ITGB4: variants seen among roughly 807,000 people sequenced by gnomAD.
The protein encoded by ITGB4 is integrin beta-4.
In ITGB4, 159 loss-of-function variants were observed where a neutral mutation model predicts 207.6. The ratio of observed to expected loss-of-function variants is 0.77; its 90% CI spans 0.67 to 0.87. The LOEUF (loss-of-function observed/expected upper bound fraction) is 0.87, where lower values mean the gene tolerates loss of function less well. Among genes scored for constraint, ITGB4 ranks in the 40% least tolerant of loss-of-function variants. ITGB4 has a pLI of 0.00. For missense variants in ITGB4, 2,278 were observed against 2,546.8 expected, an observed-to-expected ratio of 0.89 and a Z score of 2.27; for synonymous variants, 1,020 against 1,062.7, an observed-to-expected ratio of 0.96 and a Z score of 0.78.
intron 30 of ITGB4, chr17:75,751,811 C>A (rs906518358): frequency 8.2e-6 from 3 of 365,838 alleles, no homozygotes; most frequent in East Asian, 1.3e-4. Flanking sequence ...AGGTGCCTAG[C>A]AGAACAGTTA....
Position 75,731,160 on chromosome 17 carries a change from C to T in ITGB4, c.1093-86C>T, listed in dbSNP as rs2060847607. 12 of 1,605,352 alleles carry T rather than the reference C, an allele frequency of 7.5e-6. No individual in the cohort carries two copies. In the South Asian group the frequency reaches 1.0e-4, roughly 13 times the overall value. On this transcript the variant is annotated intron_variant, in intron 9 of 39. Coordinates refer to ENST00000200181, the MANE Select transcript of ITGB4 (RefSeq NM_000213.5). This position sits in a 1 kb window ranked among gnomAD's most constrained non-coding sequence, Gnocchi z 6.8. ...CTGGCTCCTGCAGGCTCTGTGATAC[C>T]CCGCATGATGCCAGCCACACTTGGA...
At chr17:75,741,051 C>T (rs1186962248) in intron 23 of ITGB4, 46 bp downstream of exon 23, 1 of 1,601,066 alleles carries the variant, frequency 6.2e-7, no homozygotes, top group East Asian at 2.2e-5. Context: ...TTCCTGCCCG[C>T]CTGTCCCCAG....
Position 75,731,103 on chromosome 17 carries a change from C to T in ITGB4, c.1092+139C>T. ...AGTGAGGAAGGGTCTCTAGCTATCC[C>T]TGAGGCCCCGAGGGGCCACCTGGGC... On this transcript the variant is annotated intron_variant, in intron 9 of 39. Coordinates refer to ENST00000200181, the MANE Select transcript of ITGB4 (RefSeq NM_000213.5). This position sits in a 1 kb window ranked among gnomAD's most constrained non-coding sequence, Gnocchi z 6.8. 1 of 1,452,630 alleles carries T rather than the reference C, an allele frequency of 6.9e-7. No individual in the cohort carries two copies. The highest frequency in any genetic ancestry group is 9.5e-7 in the Non-Finnish European group (1 of 1,049,444). The allele number at this position is 1,452,630 out of a possible 1,614,324, so 90.0% of individuals were successfully genotyped here.
At chr17:75,755,633 C>T (rs986162758) in intron 34 of ITGB4, 68 bp from the exon 35 acceptor site, 11 of 1,589,912 alleles carry the variant, frequency 6.9e-6, no homozygotes, top group Middle Eastern at 3.3e-4. Context: ...GGTCAGGGGG[C>T]AGCACTGTGA....
At chr17:75,738,517 G>A (rs943523627) in intron 18 of ITGB4, among the ~76,000 whole-genome samples, 1 of 152,172 alleles carries the variant, frequency 6.6e-6, no homozygotes, top group Non-Finnish European at 1.5e-5. Flanking sequence ...GAGGCAAGCT[G>A]AGCCCACATC....
chr17:75,750,837 T>C lies in ITGB4; in HGVS notation c.3632T>C (p.Val1211Ala), dbSNP rs758870493. 1 of 1,613,316 alleles carries C rather than the reference T, an allele frequency of 6.2e-7. No homozygotes were observed. The highest frequency in any genetic ancestry group is 8.5e-7 in the Non-Finnish European group (1 of 1,179,992). Residue 1211 changes from valine (V) to alanine (A), a missense_variant, in exon 29 of 40, where the codon GTG (valine) becomes GCG (alanine). By Grantham distance (64) the Val-to-Ala change is moderately conservative. Coordinates refer to ENST00000200181, the MANE Select transcript of ITGB4 (RefSeq NM_000213.5). The surrounding 1 kb of genome is among the most constrained non-coding windows in gnomAD (Gnocchi z 5.5). ...AQGEGPYSSL[V>A]SCRTHQEVPS... Reference sequence around the variant, plus strand: ...GGCGAGGGACCCTACAGCTCCCTGGTGTCCTGCCGCACCCACCAGGAAGGT... The same window carrying C: ...GGCGAGGGACCCTACAGCTCCCTGGCGTCCTGCCGCACCCACCAGGAAGGT...
intron 7 of ITGB4, 73 bp from the exon 8 acceptor site, chr17:75,730,168 G>A (rs951703249): frequency 3.6e-5 from 58 of 1,599,082 alleles, no homozygotes; most frequent in Middle Eastern, 4.4e-4. Flanking sequence ...CGCGTTCCCC[G>A]TCCTACACGA....
chr17:75,746,877 C>T (rs576177777), intron 26 of ITGB4, among the ~76,000 whole-genome samples: 1 of 142,222 alleles, frequency 7.0e-6, no homozygotes, highest in Non-Finnish European at 1.5e-5. Flanking sequence ...TGCAGTTAGC[C>T]GAGATAGTGC....
At chr17:75,754,313 C>A (rs905935515) in intron 33 of ITGB4, among the ~76,000 whole-genome samples, 3 of 152,152 alleles carry the variant, frequency 2.0e-5, no homozygotes, top group Non-Finnish European at 4.4e-5. Flanking sequence ...GCAGACGCAG[C>A]AAACCCCCGC....
chr17:75,731,332 G>A lies in ITGB4; in HGVS notation c.1179G>A (p.Thr393=), dbSNP rs772335175. 1.7e-4 allele frequency: 282 copies of A among 1,613,262 alleles called. 1 individual carries two copies. The highest frequency in any genetic ancestry group is 2.3e-4 in the Non-Finnish European group (266 of 1,179,982). The change falls in exon 10 of 40, where the codon ACG becomes ACA. Residue 393 remains threonine (T), a synonymous_variant. Transcript: ENST00000200181. This position sits in a 1 kb window ranked among gnomAD's most constrained non-coding sequence, Gnocchi z 6.8. The part of the protein sequence containing the change: ...TEVTSKMFQK[T]RTGSFHIRRG... ...TCACCTCCAAGATGTTCCAGAAGAC[G>A]AGGACTGGGTCCTTTCACATCCGGC...
In ITGB4 at chr17:75,731,916, C is replaced by T. The variant is rs370124749; in HGVS notation, c.1320C>T (p.Phe440=). The change falls in exon 11 of 40, where the codon TTC becomes TTT. Residue 440 remains phenylalanine (F), a synonymous_variant. Transcript: ENST00000200181. This position sits in a 1 kb window ranked among gnomAD's most constrained non-coding sequence, Gnocchi z 6.8. ...GCAACATCCATCTGAAACCTTCCTT[C>T]TCCGACGGCCTCAAGATGGACGCGG... The part of the protein sequence containing the change: ...QKGNIHLKPS[F]SDGLKMDAGI... The T allele has an allele frequency of 1.2e-6, 2 of 1,613,968 alleles. No individual in the cohort carries two copies. Among genetic ancestry groups the T allele is most frequent in the Middle Eastern group, 1.6e-4 (1 of 6,084 alleles).
intron 7 of ITGB4, 92 bp from the exon 8 acceptor site, chr17:75,730,149 G>A: frequency 6.4e-7 from 1 of 1,561,626 alleles, no homozygotes; most frequent in East Asian, 2.3e-5. Context: ...CCAGCCCCAT[G>A]TTGGGACCCG....
chr17:75,757,783 T>G lies in ITGB4; in HGVS notation c.*228T>G. 1 of 681,472 alleles carries G rather than the reference T, an allele frequency of 1.5e-6. No homozygotes were observed. The highest frequency in any genetic ancestry group is 1.8e-5 in the African/African-American group (1 of 56,104). 42.2% of individuals were successfully genotyped at this position (681,472 alleles called of 1,614,324 possible). On this transcript the variant is annotated 3_prime_UTR_variant, in exon 40 of 40. Coordinates refer to ENST00000200181, the MANE Select transcript of ITGB4 (RefSeq NM_000213.5). Reference sequence around the variant, plus strand: ...TGGGAGCAGCACAAGGACCCAGCCTTTGTTCTGCACTTAATAAATGGTTTT... The same window carrying G: ...TGGGAGCAGCACAAGGACCCAGCCTGTGTTCTGCACTTAATAAATGGTTTT...
chr17:75,748,899 T>G lies in ITGB4; in HGVS notation c.3170T>G (p.Leu1057Arg). ...LFQPGEAWKELQVKLLELQEV... is the reference protein window; with the variant it reads ...LFQPGEAWKERQVKLLELQEV... ...CAGCCTGGGGAGGCCTGGAAAGAGC[T>G]GCAGGTGAAGCTCCTGGAGCTGCAA... is the stretch of plus-strand genomic sequence containing the variant. Residue 1057 changes from leucine to arginine, a missense_variant, in exon 27 of 40, where the codon CTG (leucine) becomes CGG (arginine). Leu to Arg is a moderately radical substitution (Grantham distance 102, BLOSUM62 -2). Transcript: ENST00000200181. 1 of 1,613,242 alleles carries G rather than the reference T, an allele frequency of 6.2e-7. No homozygotes were observed. The highest frequency in any genetic ancestry group is 1.1e-5 in the South Asian group (1 of 91,018).
chr17:75,739,833 T>C lies in ITGB4; in HGVS notation c.2255-47T>C, dbSNP rs756581483. 1.2e-6 allele frequency: 2 copies of C among 1,611,342 alleles called. No individual in the cohort carries two copies. The highest frequency in any genetic ancestry group is 1.7e-6 in the Non-Finnish European group (2 of 1,177,938). On this transcript the variant is annotated intron_variant, in intron 19 of 39. Transcript: ENST00000200181. The surrounding 1 kb of genome is among the most constrained non-coding windows in gnomAD (Gnocchi z 5.4). Reference sequence around the variant, plus strand: ...GGGGTCCCACCTGAAGAGGTTGGGCTGTGCGGGTCTAGGGAGGGGTGCCGT... The same window carrying C: ...GGGGTCCCACCTGAAGAGGTTGGGCCGTGCGGGTCTAGGGAGGGGTGCCGT...
In ITGB4 at chr17:75,737,587, C is replaced by G. The variant is rs547070315; in HGVS notation, c.2163C>G (p.Leu721=). Residue 721 remains leucine, a synonymous_variant, in exon 18 of 40, where the codon CTC becomes CTG. Transcript: ENST00000200181. The part of the protein sequence containing the change: ...FWWLIPLLLL[L]LPLLALLLLL... ...GGCTCATCCCCCTGCTCCTCCTCCTCCTGCCGCTCCTGGCCCTGCTACTGC... is the reference window on the plus strand; with the variant it reads ...GGCTCATCCCCCTGCTCCTCCTCCTGCTGCCGCTCCTGGCCCTGCTACTGC... 6.2e-7 allele frequency: 1 copy of G among 1,610,050 alleles called. No individual in the cohort carries two copies. The highest frequency in any genetic ancestry group is 1.1e-5 in the South Asian group (1 of 90,500).
chr17:75,730,669 C>G (rs943219839), intron 8 of ITGB4, among the ~76,000 whole-genome samples, 165 bp downstream of exon 8: 1 of 150,730 alleles, frequency 6.6e-6, no homozygotes, highest in Non-Finnish European at 1.5e-5. Flanking sequence ...TTTAGACCCC[C>G]CAAAATGTGG....
chr17:75,751,834 T>C, intron 30 of ITGB4: 1 of 409,026 alleles, frequency 2.4e-6, no homozygotes, highest in East Asian at 5.5e-5. Flanking sequence ...TCTCCAGTCC[T>C]GGAAGGGAGG....
Position 75,736,063 on chromosome 17 carries a change from G to A in ITGB4, c.1670G>A (p.Cys557Tyr), listed in dbSNP as rs1568356386. The A allele has an allele frequency of 1.2e-6, 2 of 1,614,048 alleles. No individual in the cohort carries two copies. Among genetic ancestry groups the A allele is most frequent in the Non-Finnish European group, 8.5e-7 (1 of 1,180,018 alleles). Residue 557 changes from cysteine to tyrosine, a missense_variant, in exon 14 of 40, where the codon TGC (cysteine) becomes TAC (tyrosine). Coordinates refer to ENST00000200181, the MANE Select transcript of ITGB4 (RefSeq NM_000213.5). ...TCCCTCTCTGCAGACCGAGGACGCT[G>A]CTCCATGGGCCAGTGTGTGTGTGAG... ...SGFLCNDRGR[C>Y]SMGQCVCEPG... is the part of the protein sequence containing the mutation.
Sources: allele counts gnomAD v4.1 joint callset (sites outside exome capture counted in the v4.1 genomes callset), GRCh38; gene constraint gnomAD v4.1.1; non-coding constraint Gnocchi (gnomAD v3.1); transcripts MANE v1.5; gene names NCBI Gene and HGNC (gene_info 2026-07-23, HGNC 2026-07-21).